The following FAM47E variants were observed in gnomAD, a reference collection of about 807,000 sequenced individuals.
FAM47E encodes family with sequence similarity 47 member E, also known as protein FAM47E.
Under a neutral mutation model 41.6 loss-of-function variants are expected in FAM47E, and 32 were observed. The ratio of observed to expected loss-of-function variants is 0.77; its 90% CI spans 0.58 to 1.03. FAM47E has a LOEUF of 1.03. FAM47E is among the 50% of genes least tolerant of loss of function. FAM47E has a pLI of 0.00. For missense variants in FAM47E, 424 were observed against 485.4 expected, an observed-to-expected ratio of 0.87 and a Z score of 1.19; for synonymous variants, 184 against 188.7, an observed-to-expected ratio of 0.98 and a Z score of 0.20.
In FAM47E at chr4:76,271,570, A is replaced by G. The variant is rs538371670; in HGVS notation, c.672A>G (p.Gly224=). 4.3e-5 allele frequency: 67 copies of G among 1,552,052 alleles called. No individual in the cohort carries two copies. In the African/African-American group the frequency reaches 7.4e-4, roughly 17 times the overall value. The change falls in exon 5 of 8, where the codon GGA becomes GGG. Residue 224 remains glycine (G), a splice_region_variant and synonymous_variant. Transcript: ENST00000424749. The stretch of plus-strand genomic sequence containing the variant: ...CATGCAATGTGATATTCTTCCAGGG[A>G]ATTTCGGACATCGATGAAGAGTTCA... ...NGPRPGLHEN[G]ISDIDEEFIL... is the part of the protein sequence containing the mutation.
rs114280921 is a variant in FAM47E at position 76,274,953 on chromosome 4, C to T, written c.871-3116C>T. On this transcript the variant is annotated intron_variant, in intron 5 of 7. Coordinates refer to ENST00000424749, the MANE Select transcript of FAM47E (RefSeq NM_001136570.3). The stretch of plus-strand genomic sequence containing the variant: ...GAGAGTCCATTGGGCTCCTCCTGGG[C>T]TCTCCCTGAAGGCAGTGAGCTAGGG... Among the ~76,000 whole-genome samples, 581 of 152,334 alleles carry T rather than the reference C, an allele frequency of 3.8e-3. 7 individuals carry two copies. The highest frequency in any genetic ancestry group is 0.013 in the African/African-American group (552 of 41,582).
chr4:76,269,850 G>T (rs1876542), intron 4 of FAM47E, among the ~76,000 whole-genome samples: 54,131 of 151,380 alleles, frequency 0.36, 10,248 homozygotes, highest in Admixed American at 0.42. Context: ...TCCCTTGTGC[G>T]CCTTCCAAGA....
At chr4:76,227,235 G>A (rs1011918236) in intron 2 of FAM47E, among the ~76,000 whole-genome samples, 6 of 152,134 alleles carry the variant, frequency 3.9e-5, no homozygotes, top group South Asian at 2.1e-4. Context: ...CACTATTATC[G>A]TTCAAAGAAT....
chr4:76,245,374 C>T (rs1047984407), intron 2 of FAM47E, among the ~76,000 whole-genome samples: 4 of 152,062 alleles, frequency 2.6e-5, no homozygotes, highest in African/African-American at 7.3e-5. Context: ...CTAAACTGCA[C>T]GAATTGCTTG....
At chr4:76,283,243 AAC>A (rs1006782306) in intron 7 of FAM47E, 136 bp from the exon 8 acceptor site, 4 of 529,924 alleles carry the variant, frequency 7.5e-6, no homozygotes, top group African/African-American at 5.9e-5. Context: ...TCAGATTATT[AAC>A]ATGTGATTTT....
intron 2 of FAM47E, among the ~76,000 whole-genome samples, chr4:76,218,466 A>C (rs1578747628): frequency 6.6e-6 from 1 of 152,074 alleles, no homozygotes; most frequent in Non-Finnish European, 1.5e-5. Context: ...GGCCACAGGG[A>C]CTCTCTGTGA....
At chr4:76,256,071 G>A in intron 1 of FAM47E, 107 bp from the exon 2 acceptor site, 1 of 1,303,636 alleles carries the variant, frequency 7.7e-7, no homozygotes, top group Non-Finnish European at 1.0e-6. Context: ...AACCCTAAAA[G>A]CTGGAGACCA....
At chr4:76,265,351 G>A (rs924487263) in intron 3 of FAM47E, among the ~76,000 whole-genome samples, 1 of 152,192 alleles carries the variant, frequency 6.6e-6, no homozygotes, top group Non-Finnish European at 1.5e-5. Context: ...CAATTTCTGA[G>A]TGTCAGTTAG....
intron 2 of FAM47E, among the ~76,000 whole-genome samples, chr4:76,235,182 G>T (rs1367159296): frequency 2.0e-5 from 3 of 152,226 alleles, no homozygotes; most frequent in Admixed American, 1.3e-4. Flanking sequence ...GCCGGGCGTG[G>T]TGGCGGGCTT....
In FAM47E at chr4:76,225,549, A is replaced by C. The variant is rs2058881428; in HGVS notation, c.81+7861A>C. On this transcript the variant is annotated intron_variant, in intron 2 of 7. Transcript: ENST00000510197. ...TGTCATAGATGGCTTTTATTACCTT[A>C]AGGTATGCCCCTTCTATTTCGATTT... 5.9e-5 allele frequency among the ~76,000 whole-genome samples: 9 copies of C among 152,262 alleles called. No individual in the cohort carries two copies. In the South Asian group the frequency reaches 1.9e-3, roughly 32 times the overall value.
In FAM47E at chr4:76,256,404, C is replaced by T. The variant is rs1463986765; in HGVS notation, c.301C>T (p.Leu101Phe). The change falls in exon 2 of 8, where the codon CTT becomes TTT. Residue 101 changes from leucine (L) to phenylalanine (F), a missense_variant. Coordinates refer to ENST00000424749, the MANE Select transcript of FAM47E (RefSeq NM_001136570.3). ...CAAGCTGCTCAAGGAAGCAGACGTG[C>T]TTTCCAAGCTCTCGCCAGCCCAGCA... The part of the protein sequence containing the change: ...QIKLLKEADV[L>F]SKLSPAQQAR... 4 of 1,552,156 alleles carry T rather than the reference C, an allele frequency of 2.6e-6. No homozygotes were observed. The highest frequency in any genetic ancestry group is 2.0e-5 in the Admixed American group (1 of 51,016).
intron 6 of FAM47E, 65 bp from the exon 7 acceptor site, chr4:76,280,199 A>G (rs914311464): frequency 3.5e-5 from 34 of 985,206 alleles, no homozygotes; most frequent in Non-Finnish European, 4.3e-5. Flanking sequence ...GCTTTTAATG[A>G]GAACAAATAT....
At position 76,268,830 on chromosome 4, in the gene FAM47E, A is replaced by G. The variant is rs113024339; in HGVS notation, c.669+62A>G. The G allele has an allele frequency of 2.2e-3, 3,362 of 1,530,168 alleles. 57 individuals are homozygous for G. The African/African-American group carries it at 0.041, about 19-fold the overall frequency. The allele number at this position is 1,530,168 out of a possible 1,614,324, so 94.8% of individuals were successfully genotyped here. A position where few individuals can be genotyped will look rare whatever the true frequency, so the allele number is the denominator to read the frequency against. On this transcript the variant is annotated intron_variant, in intron 4 of 7. Coordinates refer to ENST00000424749, the MANE Select transcript of FAM47E (RefSeq NM_001136570.3). ...ACTACTTTTGTAAGTTAGTGGTAAT[A>G]TTTAAACCTACTTTTAAATGTCAAG... is the stretch of plus-strand genomic sequence containing the variant.
intron 2 of FAM47E, among the ~76,000 whole-genome samples, chr4:76,234,930 A>T (rs978709118): frequency 6.6e-5 from 10 of 152,060 alleles, no homozygotes; most frequent in Non-Finnish European, 8.8e-5. Context: ...CTCAAAAAAA[A>T]TTTTTCTTTG....
chr4:76,230,804 T>C (rs1733479791), intron 2 of FAM47E, among the ~76,000 whole-genome samples: 1 of 152,192 alleles, frequency 6.6e-6, no homozygotes, highest in Admixed American at 6.5e-5. Flanking sequence ...ACATATGCCC[T>C]ATCTCCCTTA....
intron 3 of FAM47E, among the ~76,000 whole-genome samples, chr4:76,267,109 T>C (rs551259668): frequency 7.7e-4 from 117 of 152,378 alleles, no homozygotes; most frequent in South Asian, 5.8e-3. Flanking sequence ...TATTCAGTTG[T>C]ATACTCTATG....
chr4:76,271,809 TAAGTTGTATTG>T, intron 5 of FAM47E, 41 bp downstream of exon 5: 1 of 1,536,288 alleles, frequency 6.5e-7, no homozygotes, highest in Non-Finnish European at 8.8e-7. Context: ...CAAAGAAAAT[TAAGTTGTATTG>T]AAGTCTTAAA....
At position 76,256,241 on chromosome 4, in the gene FAM47E, A is replaced by G. The variant is rs1734185494; in HGVS notation, c.138A>G (p.Val46=). Residue 46 remains valine (V), a synonymous_variant, in exon 2 of 8, where the codon GTA becomes GTG. Transcript: ENST00000424749. ...FPTSLHSRQL[V]FPRKGLDDFR... ...CCTCTCTGCACAGCCGGCAGTTGGTATTTCCAAGAAAGGGGCTGGACGACT... is the reference window on the plus strand; with the variant it reads ...CCTCTCTGCACAGCCGGCAGTTGGTGTTTCCAAGAAAGGGGCTGGACGACT... 2.6e-6 allele frequency: 4 copies of G among 1,551,590 alleles called. No homozygotes were observed. The African/African-American group carries it at 4.1e-5, about 16-fold the overall frequency.
At chr4:76,271,894 A>T in intron 5 of FAM47E, 126 bp downstream of exon 5, 3 of 1,105,694 alleles carry the variant, frequency 2.7e-6, no homozygotes, top group Non-Finnish European at 3.7e-6. Context: ...AATTTTTTTC[A>T]TGATTAATAT....
Sources: gnomAD v4.1 joint callset for allele counts (sites outside exome capture counted in the v4.1 genomes callset) on GRCh38, gnomAD v4.1.1 for gene constraint, MANE v1.5 for transcripts, NCBI Gene and HGNC (gene_info 2026-07-23, HGNC 2026-07-21) for gene names.